STRC: variants seen among roughly 807,000 people sequenced by gnomAD.
STRC encodes the protein stereocilin.
In STRC, 43 loss-of-function variants were observed where a neutral mutation model predicts 103.5. The ratio of observed to expected loss-of-function variants is 0.42; its 90% CI spans 0.33 to 0.54. The LOEUF (loss-of-function observed/expected upper bound fraction) is 0.54, where lower values mean the gene tolerates loss of function less well. Ranked by LOEUF, STRC falls within the 20% of genes least tolerant of loss-of-function variation. The pLI, the probability that STRC is intolerant of heterozygous loss-of-function variation, is 0.14. For synonymous variants in STRC, 186 were observed against 442.3 expected (o/e 0.42, Z 7.27); for missense variants, 499 against 1,088.5 (o/e 0.46, Z 7.62).
rs757317050 is a variant in STRC at position 43,600,925 on chromosome 15, A to G, written c.4791T>C (p.Thr1597=). 3 of 1,609,600 alleles carry G rather than the reference A, an allele frequency of 1.9e-6. No homozygotes were observed. Among genetic ancestry groups the G allele is most frequent in the Admixed American group, 1.7e-5 (1 of 59,630 alleles). Reference sequence around the variant, plus strand: ...GCTCCTCTGGCCGCAGTCCACAGAGAGTATAACCCAGCGCTGTCAGATGAA... The same window carrying G: ...GCTCCTCTGGCCGCAGTCCACAGAGGGTATAACCCAGCGCTGTCAGATGAA... ...DFVHLTALGY[T]LCGLRPEELQ... is the part of the protein sequence containing the mutation. Residue 1597 remains threonine (T), a synonymous_variant, in exon 25 of 29, where the codon ACT becomes ACC. Transcript: ENST00000450892.
chr15:43,603,245 T>C lies in STRC; in HGVS notation c.4542A>G (p.Lys1514=), dbSNP rs778278698. ...CAGTTGGCTCTCCATCCCTAACCTG[T>C]TTTGCTTTGCCCATGGCTGCCCGCA... ...EELRAAMGKA[K]QLWGPPRGFR... is the part of the protein sequence containing the mutation. The change falls in exon 23 of 29, where the codon AAA becomes AAG. Residue 1514 remains lysine, a synonymous_variant. Coordinates refer to ENST00000450892, the MANE Select transcript of STRC (RefSeq NM_153700.2). 2 of 1,613,408 alleles carry C rather than the reference T, an allele frequency of 1.2e-6. No homozygotes were observed. The highest frequency in any genetic ancestry group is 1.7e-6 in the Non-Finnish European group (2 of 1,179,736).
chr15:43,609,160 C>G, intron 16 of STRC, 116 bp downstream of exon 16: 1 of 942,412 alleles, frequency 1.1e-6, no homozygotes, highest in East Asian at 2.6e-5. Flanking sequence ...GAGGCAGGGA[C>G]TATGCATCAT....
At position 43,605,149 on chromosome 15, in the gene STRC, T is replaced by C; in HGVS notation, c.3930+115A>G. 4 of 1,548,278 alleles carry C rather than the reference T, an allele frequency of 2.6e-6. No homozygotes were observed. The Admixed American group carries it at 5.9e-5, about 23-fold the overall frequency. Reference sequence around the variant, plus strand: ...GGGCCAGGCCTTGTAGACAGGAATCTGTTTGGCAGCAAGAAAGCAAGAAGT... The same window carrying C: ...GGGCCAGGCCTTGTAGACAGGAATCCGTTTGGCAGCAAGAAAGCAAGAAGT... On this transcript the variant is annotated intron_variant, in intron 19 of 28. Coordinates refer to ENST00000450892, the MANE Select transcript of STRC (RefSeq NM_153700.2).
chr15:43,601,796 T>G (rs1285683147), intron 23 of STRC: 3 of 501,842 alleles, frequency 6.0e-6, no homozygotes, highest in Non-Finnish European at 1.1e-5. Flanking sequence ...CACACTTTTA[T>G]GTGCATCAGA....
rs1458894962 is a variant in STRC at position 43,603,235 on chromosome 15, CCCTAA to C, written c.4545+2_4545+6del. 1 of 1,613,288 alleles carries C rather than the reference CCCTAA, an allele frequency of 6.2e-7. No homozygotes were observed. Among genetic ancestry groups the C allele is most frequent in the Non-Finnish European group, 8.5e-7 (1 of 1,179,660 alleles). On this transcript the variant is annotated splice_donor_variant and splice_donor_5th_base_variant and intron_variant, in intron 23 of 28. Transcript: ENST00000450892. LOFTEE classifies it high-confidence loss of function. ...TGGCCAACCCCAGTTGGCTCTCCAT[CCCTAA>C]CCTGTTTTGCTTTGCCCATGGCTGC...
intron 23 of STRC, 23 bp downstream of exon 23, chr15:43,603,219 C>T: frequency 6.2e-7 from 1 of 1,612,126 alleles, no homozygotes; most frequent in Non-Finnish European, 8.5e-7. Context: ...ATGGCCAACC[C>T]CAGTTGGCTC....
intron 23 of STRC, 24 bp downstream of exon 23, chr15:43,603,218 C>A: frequency 6.2e-7 from 1 of 1,612,032 alleles, no homozygotes; most frequent in Non-Finnish European, 8.5e-7. Context: ...CATGGCCAAC[C>A]CCAGTTGGCT....
chr15:43,611,026 G>C (rs3889172), intron 13 of STRC, 42 bp from the exon 14 acceptor site: 13 of 1,610,810 alleles, frequency 8.1e-6, no homozygotes, highest in African/African-American at 5.4e-5. Context: ...GTGTGTGTGT[G>C]TGTGTGTGTG....
rs1157616316 is a variant in STRC at position 43,604,123 on chromosome 15, C to A, written c.4248G>T (p.Arg1416=). Residue 1416 remains arginine, a synonymous_variant, in exon 22 of 29, where the codon CGG becomes CGT. Transcript: ENST00000450892. ...REALGPETLE[R]LLEKQQSWEQ... is the part of the protein sequence containing the mutation. ...CCCAGCTCTGCTGCTTTTCTAGAAGCCGCTCCAGGGTCTCTGGACCCAAGG... is the reference window on the plus strand; with the variant it reads ...CCCAGCTCTGCTGCTTTTCTAGAAGACGCTCCAGGGTCTCTGGACCCAAGG... 4 of 1,611,392 alleles carry A rather than the reference C, an allele frequency of 2.5e-6. No homozygotes were observed. The highest frequency in any genetic ancestry group is 3.4e-6 in the Non-Finnish European group (4 of 1,179,056).
rs1567120551 is a variant in STRC, at chr15:43,618,099, G to GCTC, written c.319_321dup (p.Glu107dup). ...ATATCCCCTAGCAGCCCTAGCATTG[G>GCTC]CTCCCAGTCGGGGCTACCTCTCAGT... is the stretch of plus-strand genomic sequence containing the variant. On this transcript the variant is annotated inframe_insertion, in exon 2 of 29. Coordinates refer to ENST00000450892, the MANE Select transcript of STRC (RefSeq NM_153700.2). The GCTC allele has an allele frequency of 4.1e-6, 6 of 1,475,696 alleles. No homozygotes were observed. Among genetic ancestry groups the GCTC allele is most frequent in the Non-Finnish European group, 5.5e-6 (6 of 1,087,702 alleles). 91.4% of individuals were successfully genotyped at this position (1,475,696 alleles called of 1,614,324 possible). A position where few individuals can be genotyped will look rare whatever the true frequency, so the allele number is the denominator to read the frequency against.
rs780086227 is a variant in STRC at position 43,604,120 on chromosome 15, A to G, written c.4251T>C (p.Leu1417=). 6.2e-7 allele frequency: 1 copy of G among 1,611,768 alleles called. No homozygotes were observed. Among genetic ancestry groups the G allele is most frequent in the East Asian group, 2.2e-5 (1 of 44,854 alleles). ...GCTCCCAGCTCTGCTGCTTTTCTAG[A>G]AGCCGCTCCAGGGTCTCTGGACCCA... The part of the protein sequence containing the change: ...EALGPETLER[L]LEKQQSWEQS... The change falls in exon 22 of 29, where the codon CTT becomes CTC. Residue 1417 remains leucine (L), a synonymous_variant. Coordinates refer to ENST00000450892, the MANE Select transcript of STRC (RefSeq NM_153700.2).
chr15:43,605,476 T>A, intron 18 of STRC, 77 bp from the exon 19 acceptor site: 2 of 1,551,224 alleles, frequency 1.3e-6, no homozygotes, highest in Non-Finnish European at 1.7e-6. Context: ...AACCCCACAG[T>A]CCGCAGCTAA....
At chr15:43,604,903 C>G (rs2085701117) in intron 19 of STRC, 57 bp from the exon 20 acceptor site, 1 of 1,564,214 alleles carries the variant, frequency 6.4e-7, no homozygotes. Context: ...TACCAGACAC[C>G]TTGATCAAGA....
Position 43,599,596 on chromosome 15 carries a change from G to A in STRC, c.*76C>T. ...ATCAGCTTCTGAAAATAATCAGGAT[G>A]CACTTCTGTTTGCACTTTATTCATT... On this transcript the variant is annotated 3_prime_UTR_variant, in exon 29 of 29. Coordinates refer to ENST00000450892, the MANE Select transcript of STRC (RefSeq NM_153700.2). 2.0e-6 allele frequency: 1 copy of A among 496,192 alleles called. No homozygotes were observed. Among genetic ancestry groups the A allele is most frequent in the Non-Finnish European group, 3.5e-6 (1 of 286,422 alleles). The allele number at this position is 496,192 out of a possible 1,614,324, so 30.7% of individuals were successfully genotyped here.
chr15:43,604,548 T>C lies in STRC; in HGVS notation c.4128-97A>G. On this transcript the variant is annotated intron_variant, in intron 20 of 28. Coordinates refer to ENST00000450892, the MANE Select transcript of STRC (RefSeq NM_153700.2). Reference sequence around the variant, plus strand: ...CATGCTAGGATTTCGGACACAGGGCTCCAGGGGACCTTAAGAATATGGAAC... The same window carrying C: ...CATGCTAGGATTTCGGACACAGGGCCCCAGGGGACCTTAAGAATATGGAAC... The C allele has an allele frequency of 1.3e-5, 21 of 1,611,516 alleles. 1 individual carries two copies. Among genetic ancestry groups the C allele is most frequent in the Non-Finnish European group, 1.8e-5 (21 of 1,178,524 alleles).
In STRC at chr15:43,605,417, C is replaced by G. The variant is rs780233953; in HGVS notation, c.3795-18G>C. ...ACTGGATCCTATTACAGCAATTTGA[C>G]AACAACAGGATTCAGGTGGAGCTGG... On this transcript the variant is annotated intron_variant, in intron 18 of 28. Transcript: ENST00000450892. 1 of 1,594,972 alleles carries G rather than the reference C, an allele frequency of 6.3e-7. No individual in the cohort carries two copies. The highest frequency in any genetic ancestry group is 8.6e-7 in the Non-Finnish European group (1 of 1,169,032).
At chr15:43,603,950 C>T (rs2085692862) in intron 22 of STRC, 46 bp downstream of exon 22, 1 of 1,611,490 alleles carries the variant, frequency 6.2e-7, no homozygotes. Context: ...CCGTTTGATA[C>T]TCCCTGTACA....
chr15:43,600,792 C>A, intron 25 of STRC, 80 bp downstream of exon 25: 1 of 1,613,116 alleles, frequency 6.2e-7, no homozygotes, highest in Non-Finnish European at 8.5e-7. Context: ...CTCCATGGGA[C>A]CAGACCTTCA....
chr15:43,603,021 A>G (rs1436907312), intron 23 of STRC, among the ~76,000 whole-genome samples: 1 of 151,964 alleles, frequency 6.6e-6, no homozygotes, highest in Non-Finnish European at 1.5e-5. Context: ...CGTGATATGC[A>G]TTAAAATTTG....
Sources: allele counts gnomAD v4.1 joint callset (sites outside exome capture counted in the v4.1 genomes callset), GRCh38; gene constraint gnomAD v4.1.1; transcripts MANE v1.5; gene names NCBI Gene and HGNC (gene_info 2026-07-23, HGNC 2026-07-21).